Variants in THRAP3 observed in about 807,000 individuals in gnomAD.
The protein encoded by THRAP3 is thyroid hormone receptor-associated protein 3.
THRAP3 carries 16 observed loss-of-function variants against 101.0 expected under a neutral mutation model. The ratio of observed to expected loss-of-function variants is 0.16; its 90% CI spans 0.11 to 0.24. The LOEUF is 0.24. Ranked by LOEUF, THRAP3 falls within the 10% of genes least tolerant of loss-of-function variation. The pLI, the probability that THRAP3 is intolerant of heterozygous loss-of-function variation, is 1.00. For synonymous variants in THRAP3, 407 were observed against 422.6 expected, an observed-to-expected ratio of 0.96 and a Z score of 0.45; for missense variants, 989 against 1,202.7, an observed-to-expected ratio of 0.82 and a Z score of 2.63.
intron 2 of THRAP3, among the ~76,000 whole-genome samples, chr1:36,264,993 A>G (rs942504664): frequency 1.3e-5 from 2 of 152,086 alleles, no homozygotes; most frequent in Non-Finnish European, 2.9e-5. Context: ...GTGTCTCCGC[A>G]TATCAGGTTC....
chr1:36,302,541 T>G (rs987339402), intron 11 of THRAP3, among the ~76,000 whole-genome samples: 3 of 152,076 alleles, frequency 2.0e-5, no homozygotes, highest in Admixed American at 1.3e-4. Context: ...GGGAAAAGAT[T>G]AAAGGCCCTC....
intron 8 of THRAP3, chr1:36,294,334 C>T (rs954401475): frequency 3.1e-6 from 2 of 645,330 alleles, no homozygotes; most frequent in African/African-American, 4.0e-5. Flanking sequence ...ATATTCATGT[C>T]TTAACTTAAG....
At chr1:36,218,284 G>T in the THRAP3 span, among the ~76,000 whole-genome samples, 1 of 150,694 alleles carries the variant, frequency 6.6e-6, no homozygotes, top group Non-Finnish European at 1.5e-5. Context: ...CAGGAGAATC[G>T]CTTGAAATCA....
chr1:36,281,902 C>T (rs1357626302), intron 2 of THRAP3, among the ~76,000 whole-genome samples: 1 of 152,014 alleles, frequency 6.6e-6, no homozygotes, highest in Non-Finnish European at 1.5e-5. Flanking sequence ...GAAACCCTGT[C>T]TCTACTAAAA....
At chr1:36,272,472 A>G (rs558808198) in intron 2 of THRAP3, among the ~76,000 whole-genome samples, 3 of 152,228 alleles carry the variant, frequency 2.0e-5, no homozygotes, top group African/African-American at 7.2e-5. Flanking sequence ...GCTGCCCTCT[A>G]TTCTGTTTCT....
intron 2 of THRAP3, among the ~76,000 whole-genome samples, chr1:36,265,028 C>G (rs531529135): frequency 1.3e-5 from 2 of 152,048 alleles, no homozygotes; most frequent in Non-Finnish European, 2.9e-5. Flanking sequence ...TTATAAGCAT[C>G]GTATACCTCA....
At chr1:36,225,449 A>C (rs1465191645) in intron 1 of THRAP3, 1 of 152,236 alleles carries the variant, frequency 6.6e-6, no homozygotes, top group Non-Finnish European at 1.5e-5. Flanking sequence ...CAGTTTTCTT[A>C]TCACTAAAAC....
upstream of THRAP3, among the ~76,000 whole-genome samples, chr1:36,222,653 C>T (rs1016561683): frequency 1.8e-4 from 28 of 152,268 alleles, no homozygotes; most frequent in Middle Eastern, 6.8e-3. Flanking sequence ...GGTGAGCTGC[C>T]CGCCTCGGTT....
At chr1:36,265,313 G>A (rs1422106861) in intron 2 of THRAP3, among the ~76,000 whole-genome samples, 6 of 152,086 alleles carry the variant, frequency 3.9e-5, no homozygotes, top group Non-Finnish European at 8.8e-5. Flanking sequence ...ACTTGGAAAA[G>A]GTCTTACTAG....
intron 5 of THRAP3, 120 bp downstream of exon 5, chr1:36,289,884 C>CT (rs1461157274): frequency 7.5e-7 from 1 of 1,338,172 alleles, no homozygotes; most frequent in African/African-American, 1.5e-5. Flanking sequence ...AGTGGTGATA[C>CT]TTTCATGTCC....
At chr1:36,274,151 A>G (rs1032956714) in intron 2 of THRAP3, among the ~76,000 whole-genome samples, 11 of 152,116 alleles carry the variant, frequency 7.2e-5, no homozygotes, top group African/African-American at 2.7e-4. Context: ...ATGAACAATA[A>G]GAAAATGAAA....
intron 3 of THRAP3, among the ~76,000 whole-genome samples, chr1:36,285,091 C>T (rs925520571): frequency 2.6e-5 from 4 of 152,092 alleles, no homozygotes; most frequent in African/African-American, 9.7e-5. Context: ...AATGTACTTT[C>T]TTCTTAAAAA....
chr1:36,257,044 G>A lies in THRAP3; in HGVS notation c.-134-2338G>A, dbSNP rs372126420. Among the ~76,000 whole-genome samples the A allele has an allele frequency of 7.2e-5, 11 of 152,190 alleles. No individual in the cohort carries two copies. The East Asian group carries it at 1.4e-3, about 19-fold the overall frequency. On this transcript the variant is annotated intron_variant, in intron 1 of 11. Transcript: ENST00000354618. Reference sequence around the variant, plus strand: ...ACTCCCGACCTCAGGTGATCTGCCCGCCTCGGCCTCCCAAAGTGGTGGGAT... The same window carrying A: ...ACTCCCGACCTCAGGTGATCTGCCCACCTCGGCCTCCCAAAGTGGTGGGAT...
intron 1 of THRAP3, among the ~76,000 whole-genome samples, chr1:36,225,947 C>T (rs1420932573): frequency 6.6e-6 from 1 of 152,154 alleles, no homozygotes; most frequent in Admixed American, 6.6e-5. Context: ...GTAATTCCAT[C>T]TCTTTGTTTT....
intron 1 of THRAP3, among the ~76,000 whole-genome samples, chr1:36,252,832 G>A (rs1364886801): frequency 2.0e-5 from 3 of 150,504 alleles, no homozygotes; most frequent in Non-Finnish European, 4.4e-5. Context: ...TCTTGAACCC[G>A]GAGGACAGGG....
the THRAP3 span, among the ~76,000 whole-genome samples, chr1:36,211,813 T>C: frequency 1.3e-5 from 2 of 152,188 alleles, no homozygotes; most frequent in Non-Finnish European, 2.9e-5. Flanking sequence ...CAAAGTTAAC[T>C]GCTCCTCTCT....
At chr1:36,248,774 A>G (rs1434845196) in intron 1 of THRAP3, among the ~76,000 whole-genome samples, 1 of 151,950 alleles carries the variant, frequency 6.6e-6, no homozygotes, top group Non-Finnish European at 1.5e-5. Flanking sequence ...TCAGATGTTT[A>G]TTATCTTGGG....
chr1:36,272,496 A>G lies in THRAP3; in HGVS notation c.-31-10037A>G, dbSNP rs1645604386. ...TATTCTGTTTCTGTGTCTTTTACTC[A>G]GGAGATGATGACCTCCAGAGAAAAG... On this transcript the variant is annotated intron_variant, in intron 2 of 11. Coordinates refer to ENST00000354618, the MANE Select transcript of THRAP3 (RefSeq NM_005119.4). Among the ~76,000 whole-genome samples the G allele has an allele frequency of 2.0e-5, 3 of 152,180 alleles. No homozygotes were observed. The South Asian group carries it at 6.2e-4, about 32-fold the overall frequency.
At chr1:36,288,535 A>G in intron 4 of THRAP3, 1 of 985,404 alleles carries the variant, frequency 1.0e-6, no homozygotes, top group Non-Finnish European at 1.2e-6. Flanking sequence ...TTTTGTTTTT[A>G]TTTGTGTTCA....
Sources: gnomAD v4.1 joint callset for allele counts (sites outside exome capture counted in the v4.1 genomes callset) on GRCh38, gnomAD v4.1.1 for gene constraint, MANE v1.5 for transcripts, NCBI Gene and HGNC (gene_info 2026-07-23, HGNC 2026-07-21) for gene names.